The following MDGA2 variants were observed in gnomAD, a reference collection of about 807,000 sequenced individuals.
MDGA2 encodes the protein MAM domain-containing glycosylphosphatidylinositol anchor protein 2.
A neutral mutation model predicts 117.8 loss-of-function variants in MDGA2; 40 were observed. That is an observed-to-expected ratio of 0.34 (90% CI 0.26 to 0.44). MDGA2 has a LOEUF of 0.44. Ranked by LOEUF, MDGA2 falls within the 20% of genes least tolerant of loss-of-function variation. The pLI is 1.00. For synonymous variants in MDGA2, 452 were observed against 439.0 expected, an observed-to-expected ratio of 1.03 and a Z score of -0.37; for missense variants, 1,123 against 1,250.6, an observed-to-expected ratio of 0.90 and a Z score of 1.54.
At chr14:47,447,669 G>C (rs1893152620) in intron 1 of MDGA2, among the ~76,000 whole-genome samples, 1 of 152,178 alleles carries the variant, frequency 6.6e-6, no homozygotes, top group African/African-American at 2.4e-5. Flanking sequence ...TAAGTTCACT[G>C]TAGATGGTTC....
intron 4 of MDGA2, among the ~76,000 whole-genome samples, chr14:47,140,953 C>CA (rs911441710): frequency 1.7e-4 from 25 of 149,496 alleles, no homozygotes; most frequent in African/African-American, 3.9e-4. Flanking sequence ...AACTCAATAG[C>CA]AAAAAAAAAT....
intron 2 of MDGA2, among the ~76,000 whole-genome samples, chr14:47,286,805 A>T (rs942724443): frequency 1.7e-4 from 5 of 29,664 alleles, no homozygotes; most frequent in African/African-American, 4.2e-4. Context: ...GCATATCATT[A>T]TATATATATA....
chr14:47,042,128 T>C (rs916252188), intron 7 of MDGA2, among the ~76,000 whole-genome samples: 4 of 152,046 alleles, frequency 2.6e-5, no homozygotes, highest in Non-Finnish European at 4.4e-5. Flanking sequence ...TCGAGTAGAA[T>C]GTATAGTCTA....
intron 10 of MDGA2, among the ~76,000 whole-genome samples, chr14:46,918,831 G>C (rs1026737999): frequency 6.8e-6 from 1 of 147,278 alleles, no homozygotes; most frequent in Non-Finnish European, 1.5e-5. Flanking sequence ...GCGCGACCTC[G>C]GCTCGCTGCA....
chr14:47,386,636 A>C (rs1314949232), intron 1 of MDGA2, among the ~76,000 whole-genome samples: 2 of 152,242 alleles, frequency 1.3e-5, no homozygotes, highest in Non-Finnish European at 2.9e-5. Flanking sequence ...ATGGAGAGAC[A>C]AGTACCAAGA....
intron 3 of MDGA2, among the ~76,000 whole-genome samples, chr14:47,148,926 C>T (rs1883054692): frequency 6.6e-6 from 1 of 152,128 alleles, no homozygotes; most frequent in Admixed American, 6.5e-5. Flanking sequence ...ATGCTGTGTT[C>T]TGTTAACCAT....
intron 11 of MDGA2, among the ~76,000 whole-genome samples, chr14:46,880,845 A>G (rs1248748747): frequency 6.6e-6 from 1 of 150,962 alleles, no homozygotes; most frequent in Non-Finnish European, 1.5e-5. Flanking sequence ...AAATATATCT[A>G]ATTGCCATTG....
chr14:47,006,592 A>G (rs1019022148), intron 8 of MDGA2, among the ~76,000 whole-genome samples: 5 of 151,336 alleles, frequency 3.3e-5, no homozygotes, highest in Non-Finnish European at 5.9e-5. Context: ...CAAGTGTACA[A>G]TAAGAAAAGG....
chr14:47,515,910 C>G (rs1169034956), intron 1 of MDGA2, among the ~76,000 whole-genome samples: 1 of 152,108 alleles, frequency 6.6e-6, no homozygotes, highest in Non-Finnish European at 1.5e-5. Context: ...ATTTCAAATT[C>G]TGAAACACCA....
At chr14:47,241,122 T>C (rs1206011282) in intron 2 of MDGA2, among the ~76,000 whole-genome samples, 1 of 151,902 alleles carries the variant, frequency 6.6e-6, no homozygotes, top group African/African-American at 2.4e-5. Context: ...TCAGAGTCAC[T>C]TGATGTTGCA....
chr14:47,666,678 G>A (rs1470511299), intron 1 of MDGA2, among the ~76,000 whole-genome samples: 1 of 152,142 alleles, frequency 6.6e-6, no homozygotes, highest in African/African-American at 2.4e-5. Context: ...AATAAAAGCA[G>A]GCTGCCTGAG....
chr14:47,531,327 C>T (rs9285575), intron 1 of MDGA2, among the ~76,000 whole-genome samples: 113,495 of 152,102 alleles, frequency 0.75, 42,779 homozygotes, highest in East Asian at 1. Flanking sequence ...GGTATTTCTC[C>T]TTTAGAAAGA....
chr14:47,160,321 C>T (rs1385694025), intron 3 of MDGA2, among the ~76,000 whole-genome samples: 5 of 152,114 alleles, frequency 3.3e-5, no homozygotes, highest in Admixed American at 2.6e-4. Context: ...TATTCTATTT[C>T]GGGCTTTTTT....
At chr14:47,317,482 T>C (rs1889843022) in intron 1 of MDGA2, among the ~76,000 whole-genome samples, 1 of 152,150 alleles carries the variant, frequency 6.6e-6, no homozygotes. Flanking sequence ...TGGAGACTGC[T>C]GACAATGTGC....
intron 8 of MDGA2, among the ~76,000 whole-genome samples, chr14:47,008,406 A>T (rs1959821): frequency 6.6e-6 from 1 of 151,956 alleles, no homozygotes; most frequent in African/African-American, 2.4e-5. Context: ...ATCTGGCATA[A>T]GGCAGTAAGT....
At chr14:47,625,207 C>T (rs748740796) in intron 1 of MDGA2, among the ~76,000 whole-genome samples, 29 of 151,920 alleles carry the variant, frequency 1.9e-4, no homozygotes, top group South Asian at 1.2e-3. Context: ...TTTTCTTTAG[C>T]ATACTGTAAG....
chr14:46,879,352 T>A (rs1035956208), intron 11 of MDGA2, among the ~76,000 whole-genome samples: 28 of 152,104 alleles, frequency 1.8e-4, no homozygotes, highest in Admixed American at 4.6e-4. Context: ...GAAATAAGTT[T>A]GTGTTGTTTA....
chr14:46,975,432 G>T (rs1033174792), intron 8 of MDGA2, among the ~76,000 whole-genome samples: 1 of 152,064 alleles, frequency 6.6e-6, no homozygotes, highest in East Asian at 1.9e-4. Flanking sequence ...TAAAAGATGG[G>T]ATCAAAGCAA....
chr14:47,655,368 A>G (rs1399172995), intron 1 of MDGA2, among the ~76,000 whole-genome samples: 1 of 152,126 alleles, frequency 6.6e-6, no homozygotes, highest in Non-Finnish European at 1.5e-5. Flanking sequence ...CCAGGATTAT[A>G]ATAACTTTTC....
Sources: allele counts gnomAD v4.1 joint callset (sites outside exome capture counted in the v4.1 genomes callset), GRCh38; gene constraint gnomAD v4.1.1; transcripts MANE v1.5; gene names NCBI Gene and HGNC (gene_info 2026-07-23, HGNC 2026-07-21).